Variants in UGT1A8 observed in about 807,000 individuals in gnomAD.
The protein encoded by UGT1A8 is UDP-glucuronosyltransferase 1A8.
In UGT1A8, 39 loss-of-function variants were observed where a neutral mutation model predicts 45.3. That is an observed-to-expected ratio of 0.86 (90% CI 0.67 to 1.12). The LOEUF is 1.12. Among genes scored for constraint, UGT1A8 ranks in the 50% most tolerant of loss-of-function variants. UGT1A8 has a pLI of 0.00. For synonymous variants in UGT1A8, 275 were observed against 249.2 expected, an observed-to-expected ratio of 1.10 and a Z score of -0.97; for missense variants, 719 against 664.9, an observed-to-expected ratio of 1.08 and a Z score of -0.90.
intron 1 of UGT1A8, chr2:233,682,720 T>C (rs751992006): frequency 6.2e-7 from 1 of 1,613,908 alleles, no homozygotes; most frequent in Non-Finnish European, 8.5e-7. Context: ...TTTTGGAGTA[T>C]CCCAAACCCG....
chr2:233,659,699 A>G (rs1038951505), intron 1 of UGT1A8, among the ~76,000 whole-genome samples: 1 of 152,158 alleles, frequency 6.6e-6, no homozygotes, highest in South Asian at 2.1e-4. Context: ...TTACTGTCTG[A>G]CATTTTTGCT....
At chr2:233,664,547 G>A (rs1160839345) in intron 1 of UGT1A8, among the ~76,000 whole-genome samples, 4 of 152,154 alleles carry the variant, frequency 2.6e-5, no homozygotes, top group Admixed American at 2.0e-4. Context: ...GAAGCCTCAG[G>A]GAGTGTTTAC....
Position 233,725,630 on chromosome 2 carries a change from A to G in UGT1A8, c.856-41404A>G, listed in dbSNP as rs544565548. ...TCTTGCTAAGTCTTCAAAATCTAGCATATATCTGACATTTACAGCATATCT... is the reference window on the plus strand; with the variant it reads ...TCTTGCTAAGTCTTCAAAATCTAGCGTATATCTGACATTTACAGCATATCT... On this transcript the variant is annotated intron_variant, in intron 1 of 4. Transcript: ENST00000373450. 6.6e-5 allele frequency among the ~76,000 whole-genome samples: 10 copies of G among 152,292 alleles called. No individual in the cohort carries two copies. The South Asian group carries it at 1.5e-3, about 22-fold the overall frequency.
chr2:233,659,156 A>G (rs2073915424), intron 1 of UGT1A8, among the ~76,000 whole-genome samples: 1 of 152,160 alleles, frequency 6.6e-6, no homozygotes, highest in Admixed American at 6.5e-5. Context: ...TTTATCCCTA[A>G]GTATTTCATG....
chr2:233,691,064 A>G, intron 1 of UGT1A8: 1 of 986,774 alleles, frequency 1.0e-6, no homozygotes, highest in Non-Finnish European at 1.2e-6. Context: ...GGTCTAGTAT[A>G]AAGAATGTGA....
At position 233,691,322 on chromosome 2, in the gene UGT1A8, C is replaced by T. The variant is rs564779724; in HGVS notation, c.855+72760C>T. Reference sequence around the variant, plus strand: ...AATCCTCTTGGGAGGCTGCTCCCAGCTTGGACTGAGCTGAGTCTTCGCATG... The same window carrying T: ...AATCCTCTTGGGAGGCTGCTCCCAGTTTGGACTGAGCTGAGTCTTCGCATG... On this transcript the variant is annotated intron_variant, in intron 1 of 4. Transcript: ENST00000373450. 1.4e-5 allele frequency: 14 copies of T among 985,554 alleles called. No individual in the cohort carries two copies. In the South Asian group the frequency reaches 5.6e-4, roughly 40 times the overall value. The allele number at this position is 985,554 out of a possible 1,614,324, so 61.1% of individuals were successfully genotyped here.
chr2:233,636,529 C>A, intron 1 of UGT1A8: 1 of 1,611,880 alleles, frequency 6.2e-7, no homozygotes, highest in Non-Finnish European at 8.5e-7. Flanking sequence ...TCTCATGGCT[C>A]GCGCAGGGTG....
chr2:233,668,715 C>T (rs543159385), intron 1 of UGT1A8, among the ~76,000 whole-genome samples: 1 of 152,208 alleles, frequency 6.6e-6, no homozygotes, highest in African/African-American at 2.4e-5. Flanking sequence ...TCTCTAGCAC[C>T]TATGTACATT....
chr2:233,689,992 C>T (rs1466782471), intron 1 of UGT1A8: 1 of 449,922 alleles, frequency 2.2e-6, no homozygotes, highest in Admixed American at 2.4e-5. Context: ...AAAAGGGATT[C>T]TCACTTCATC....
intron 1 of UGT1A8, among the ~76,000 whole-genome samples, chr2:233,714,325 G>GAGGTC (rs1417875525): frequency 2.0e-5 from 3 of 152,176 alleles, no homozygotes; most frequent in Non-Finnish European, 4.4e-5. Context: ...GACCACAGGA[G>GAGGTC]ACCTAAGCAC....
chr2:233,624,389 T>G (rs990746377), intron 1 of UGT1A8, among the ~76,000 whole-genome samples: 1 of 152,140 alleles, frequency 6.6e-6, no homozygotes, highest in Non-Finnish European at 1.5e-5. Flanking sequence ...TTTATCATGG[T>G]TAAACTGGGG....
At chr2:233,667,875 G>A (rs903359925) in intron 1 of UGT1A8, among the ~76,000 whole-genome samples, 6 of 152,156 alleles carry the variant, frequency 3.9e-5, no homozygotes, top group Non-Finnish European at 5.9e-5. Flanking sequence ...TAAAAAGTCA[G>A]GAAACAACAG....
intron 1 of UGT1A8, among the ~76,000 whole-genome samples, chr2:233,629,790 T>C (rs915279074): frequency 5.9e-5 from 9 of 152,128 alleles, no homozygotes; most frequent in Non-Finnish European, 1.3e-4. Flanking sequence ...CAAATACAAA[T>C]TCAATTTAAA....
rs533353525 is a variant in UGT1A8 at position 233,716,906 on chromosome 2, C to T, written c.856-50128C>T. ...GCCCAGACCCCTCCTCATCTCCAGA[C>T]CCTGGAAGCTGATGCCTTGGGCAGC... On this transcript the variant is annotated intron_variant, in intron 1 of 4. Transcript: ENST00000373450. 3.3e-5 allele frequency among the ~76,000 whole-genome samples: 5 copies of T among 152,262 alleles called. No individual in the cohort carries two copies. The South Asian group carries it at 8.3e-4, about 25-fold the overall frequency.
At chr2:233,717,412 CT>C (rs1379862017) in intron 1 of UGT1A8, among the ~76,000 whole-genome samples, 17 of 152,222 alleles carry the variant, frequency 1.1e-4, no homozygotes, top group African/African-American at 3.9e-4. Context: ...ATATGCCTCC[CT>C]TGAGCTGGGT....
intron 1 of UGT1A8, among the ~76,000 whole-genome samples, chr2:233,695,130 C>CTTTTCTTTCTTTTT (rs2075264545): frequency 7.2e-6 from 1 of 138,840 alleles, no homozygotes; most frequent in African/African-American, 2.7e-5. Flanking sequence ...CTTTTCTTTT[C>CTTTTCTTTCTTTTT]TTTTTTTTTT....
Position 233,750,543 on chromosome 2 carries a change from C to T in UGT1A8, c.856-16491C>T, listed in dbSNP as rs1193971718. On this transcript the variant is annotated intron_variant, in intron 1 of 4. Transcript: ENST00000373450. ...CAATGGGGAAAATGGCTTCAGTGCACATCAGAGACCTTTGCAGCAGACCCT... is the reference window on the plus strand; with the variant it reads ...CAATGGGGAAAATGGCTTCAGTGCATATCAGAGACCTTTGCAGCAGACCCT... 4 of 151,966 alleles carry T rather than the reference C, an allele frequency of 2.6e-5. 1 individual carries two copies. The highest frequency in any genetic ancestry group is 9.7e-5 in the African/African-American group (4 of 41,180). The allele number at this position is 151,966 out of a possible 1,614,324, so 9.4% of individuals were successfully genotyped here. A position where few individuals can be genotyped will look rare whatever the true frequency, so the allele number is the denominator to read the frequency against.
chr2:233,654,533 T>C (rs533083708), intron 1 of UGT1A8, among the ~76,000 whole-genome samples: 1 of 152,332 alleles, frequency 6.6e-6, no homozygotes, highest in South Asian at 2.1e-4. Context: ...TTTTCTGCAG[T>C]TGATTATATA....
At chr2:233,666,765 C>A (rs576864032) in intron 1 of UGT1A8, among the ~76,000 whole-genome samples, 1 of 151,850 alleles carries the variant, frequency 6.6e-6, no homozygotes, top group South Asian at 2.1e-4. Context: ...CGTCATTTAA[C>A]CTTAGGTATC....
Sources: allele counts gnomAD v4.1 joint callset (sites outside exome capture counted in the v4.1 genomes callset), GRCh38; gene constraint gnomAD v4.1.1; transcripts MANE v1.5; gene names NCBI Gene and HGNC (gene_info 2026-07-23, HGNC 2026-07-21).